The following ARHGAP31 variants were observed in gnomAD, a reference collection of about 807,000 sequenced individuals.
ARHGAP31 encodes rho GTPase-activating protein 31.
ARHGAP31 carries 34 observed loss-of-function variants against 113.9 expected under a neutral mutation model. The ratio of observed to expected loss-of-function variants is 0.30; its 90% CI spans 0.23 to 0.40. The LOEUF (loss-of-function observed/expected upper bound fraction) is 0.40. ARHGAP31 is among the 10% of genes least tolerant of loss of function. The pLI is 1.00. For synonymous variants in ARHGAP31, 650 were observed against 684.8 expected (o/e 0.95, Z 0.79); for missense variants, 1,548 against 1,767.1 (o/e 0.88, Z 2.22).
At chr3:119,297,976 A>G (rs530457243) in intron 1 of ARHGAP31, among the ~76,000 whole-genome samples, 33 of 151,880 alleles carry the variant, frequency 2.2e-4, no homozygotes, top group Non-Finnish European at 3.2e-4. Flanking sequence ...GTATCTACAT[A>G]GATGCCAATT....
intron 1 of ARHGAP31, among the ~76,000 whole-genome samples, chr3:119,337,221 G>T (rs114187843): frequency 6.6e-6 from 1 of 152,144 alleles, no homozygotes; most frequent in Non-Finnish European, 1.5e-5. Flanking sequence ...TCCTTCTGAT[G>T]TTCGGACATC....
intron 7 of ARHGAP31, among the ~76,000 whole-genome samples, chr3:119,393,099 A>G (rs988432169): frequency 2.6e-5 from 4 of 152,168 alleles, no homozygotes; most frequent in African/African-American, 9.7e-5. Flanking sequence ...AAATGAATGA[A>G]TGGTGTCTTT....
Position 119,418,620 on chromosome 3 carries a change from G to A in ARHGAP31, c.*2356G>A, listed in dbSNP as rs931512553. The A allele has an allele frequency of 1.1e-4, 17 of 152,186 alleles. No individual in the cohort carries two copies. The highest frequency in any genetic ancestry group is 7.9e-4 in the Admixed American group (12 of 15,278). 9.4% of individuals were successfully genotyped at this position (152,186 alleles called of 1,614,324 possible). On this transcript the variant is annotated 3_prime_UTR_variant, in exon 12 of 12. Coordinates refer to ENST00000264245, the MANE Select transcript of ARHGAP31 (RefSeq NM_020754.4). ...TTTTTATTTGGGGATAGACTGAGAA[G>A]CCACCATTTACATATTAACAAGTGA...
Position 119,380,382 on chromosome 3 carries a change from A to T in ARHGAP31, c.349-522A>T, listed in dbSNP as rs528740740. On this transcript the variant is annotated intron_variant, in intron 3 of 11. Coordinates refer to ENST00000264245, the MANE Select transcript of ARHGAP31 (RefSeq NM_020754.4). ...CTGTATCTGTCTCATTTATTTATTT[A>T]CTTGCTTGTTATTTATTTATGTATT... Among the ~76,000 whole-genome samples, 3 of 147,540 alleles carry T rather than the reference A, an allele frequency of 2.0e-5. No homozygotes were observed. The East Asian group carries it at 5.9e-4, about 29-fold the overall frequency.
intron 10 of ARHGAP31, among the ~76,000 whole-genome samples, chr3:119,407,719 T>C (rs1276024699): frequency 6.6e-6 from 1 of 152,166 alleles, no homozygotes; most frequent in Non-Finnish European, 1.5e-5. Flanking sequence ...TAGGTTTGTC[T>C]TGAAGAATGG....
intron 1 of ARHGAP31, among the ~76,000 whole-genome samples, chr3:119,311,566 G>A (rs6438522): frequency 0.42 from 64,088 of 152,000 alleles, 13,723 homozygotes; most frequent in South Asian, 0.46. Context: ...TTGGGGGGAC[G>A]TTACTCAACA....
chr3:119,410,382 A>G (rs1379615231), intron 11 of ARHGAP31, among the ~76,000 whole-genome samples: 4 of 152,174 alleles, frequency 2.6e-5, no homozygotes, highest in African/African-American at 9.7e-5. Flanking sequence ...CCCAAGGAGG[A>G]GTCCTGCATT....
rs1202329792 is a variant in ARHGAP31 at position 119,365,335 on chromosome 3, C to T, written c.120C>T (p.Ser40=). The T allele has an allele frequency of 6.2e-7, 1 of 1,613,934 alleles. No homozygotes were observed. The highest frequency in any genetic ancestry group is 1.3e-5 in the African/African-American group (1 of 75,024). Residue 40 remains serine, a synonymous_variant, in exon 2 of 12, where the codon AGC becomes AGT. Transcript: ENST00000264245. The part of the protein sequence containing the change: ...SGQDVPYVLK[S]CAEFIETHGI... ...ACATAGTTCCATACGTTTTGAAGAG[C>T]TGTGCAGAATTTATAGAGACTCACG... is the stretch of plus-strand genomic sequence containing the variant.
intron 10 of ARHGAP31, among the ~76,000 whole-genome samples, chr3:119,405,847 G>A (rs1033068731): frequency 1.3e-5 from 2 of 152,298 alleles, no homozygotes; most frequent in Non-Finnish European, 1.5e-5. Flanking sequence ...AGATTTTCAG[G>A]TAATTTTTAG....
At chr3:119,384,037 A>G (rs973602669) in intron 6 of ARHGAP31, among the ~76,000 whole-genome samples, 3 of 152,230 alleles carry the variant, frequency 2.0e-5, no homozygotes, top group Admixed American at 2.0e-4. Context: ...GGTGATGCTG[A>G]TGCTGCTGTT....
intron 7 of ARHGAP31, among the ~76,000 whole-genome samples, chr3:119,393,059 T>A (rs1032375788): frequency 6.6e-6 from 1 of 152,172 alleles, no homozygotes; most frequent in Admixed American, 6.5e-5. Flanking sequence ...CTGGGCAAGA[T>A]AGTGAGACCC....
chr3:119,420,117 C>T lies in ARHGAP31; in HGVS notation c.*3853C>T, dbSNP rs909969584. 1 of 152,186 alleles carries T rather than the reference C, an allele frequency of 6.6e-6. No homozygotes were observed. Among genetic ancestry groups the T allele is most frequent in the African/African-American group, 2.4e-5 (1 of 41,434 alleles). 9.4% of individuals were successfully genotyped at this position (152,186 alleles called of 1,614,324 possible). A position where few individuals can be genotyped will look rare whatever the true frequency, so the allele number is the denominator to read the frequency against. On this transcript the variant is annotated 3_prime_UTR_variant, in exon 12 of 12. Coordinates refer to ENST00000264245, the MANE Select transcript of ARHGAP31 (RefSeq NM_020754.4). ...CAGTCATTTGTCTACACAGGCCTTC[C>T]ATTCCTGCATGAAGAGATACTGGGG...
chr3:119,348,296 A>G (rs1014891974), intron 1 of ARHGAP31, among the ~76,000 whole-genome samples: 1 of 152,238 alleles, frequency 6.6e-6, no homozygotes. Flanking sequence ...AGTACACAAT[A>G]AAGGTAATGT....
chr3:119,334,674 G>GTCAACCTGACTC (rs1433231262), intron 1 of ARHGAP31, among the ~76,000 whole-genome samples: 1 of 152,216 alleles, frequency 6.6e-6, no homozygotes, highest in East Asian at 1.9e-4. Context: ...CCAGGTTGTA[G>GTCAACCTGACTC]TCAACCTGAC....
intron 1 of ARHGAP31, among the ~76,000 whole-genome samples, chr3:119,358,606 A>T (rs1472274856): frequency 6.6e-6 from 1 of 152,262 alleles, no homozygotes; most frequent in Non-Finnish European, 1.5e-5. Flanking sequence ...AATTTCTATC[A>T]ACTGGTGAAT....
chr3:119,393,726 CTT>C (rs1414608973), intron 8 of ARHGAP31, 135 bp downstream of exon 8: 9 of 1,268,390 alleles, frequency 7.1e-6, no homozygotes, highest in Non-Finnish European at 8.7e-6. Context: ...GAAGAGGAGT[CTT>C]TTTTCAAAAC....
chr3:119,319,275 G>A (rs1288146887), intron 1 of ARHGAP31, among the ~76,000 whole-genome samples: 3 of 150,520 alleles, frequency 2.0e-5, no homozygotes, highest in African/African-American at 7.3e-5. Flanking sequence ...TTCTTTTTAG[G>A]GATGGGTCAG....
intron 6 of ARHGAP31, among the ~76,000 whole-genome samples, chr3:119,385,230 C>T (rs964196413): frequency 1.4e-5 from 2 of 139,324 alleles, no homozygotes; most frequent in Admixed American, 7.2e-5. Context: ...GCCTAGCTGA[C>T]TGTTTTTTTT....
intron 1 of ARHGAP31, among the ~76,000 whole-genome samples, chr3:119,345,769 C>T (rs1287042898): frequency 6.6e-6 from 1 of 152,150 alleles, no homozygotes; most frequent in African/African-American, 2.4e-5. Context: ...CTGGCTCTGT[C>T]CCTCTTCCCA....
Sources: allele counts gnomAD v4.1 joint callset (sites outside exome capture counted in the v4.1 genomes callset), GRCh38; gene constraint gnomAD v4.1.1; transcripts MANE v1.5; gene names NCBI Gene and HGNC (gene_info 2026-07-23, HGNC 2026-07-21).